KCNIP4: variants seen among roughly 807,000 people sequenced by gnomAD.
The protein encoded by KCNIP4 is Kv channel-interacting protein 4.
KCNIP4 carries 12 observed loss-of-function variants against 34.0 expected under a neutral mutation model. That is an observed-to-expected ratio of 0.35 (90% CI 0.23 to 0.57). The LOEUF (loss-of-function observed/expected upper bound fraction) is 0.57. KCNIP4 is among the 20% of genes least tolerant of loss of function. KCNIP4 has a pLI of 0.83. For synonymous variants in KCNIP4, 124 were observed against 102.2 expected (o/e 1.21, Z -1.29); for missense variants, 238 against 311.7 (o/e 0.76, Z 1.78).
At chr4:21,578,478 C>A (rs1393622405) in intron 1 of KCNIP4, among the ~76,000 whole-genome samples, 1 of 150,104 alleles carries the variant, frequency 6.7e-6, no homozygotes, top group African/African-American at 2.4e-5. Flanking sequence ...TATGACAAAA[C>A]ATGGGCATTA....
intron 1 of KCNIP4, among the ~76,000 whole-genome samples, chr4:21,498,573 T>C (rs1015962222): frequency 1.2e-4 from 18 of 152,232 alleles, no homozygotes; most frequent in Admixed American, 1.0e-3. Context: ...TGAGCAGTCC[T>C]TAGATATGCT....
chr4:20,867,153 A>G (rs1365615851), intron 2 of KCNIP4, among the ~76,000 whole-genome samples: 2 of 152,134 alleles, frequency 1.3e-5, no homozygotes, highest in African/African-American at 2.4e-5. Context: ...ATTAGAAAAA[A>G]AGTATTCTAA....
intron 1 of KCNIP4, among the ~76,000 whole-genome samples, chr4:21,251,431 T>G (rs551283576): frequency 3.3e-5 from 5 of 151,990 alleles, no homozygotes; most frequent in African/African-American, 1.2e-4. Flanking sequence ...CCGAGAACAC[T>G]GTGGCCCTCA....
intron 1 of KCNIP4, among the ~76,000 whole-genome samples, chr4:21,107,159 C>G (rs1280860704): frequency 6.8e-6 from 1 of 146,782 alleles, no homozygotes; most frequent in Non-Finnish European, 1.5e-5. Context: ...TCCTTTTTAA[C>G]TTTCTGTCTC....
chr4:21,329,147 A>ATT (rs1715377714), intron 1 of KCNIP4, among the ~76,000 whole-genome samples: 1 of 152,272 alleles, frequency 6.6e-6, no homozygotes, highest in Non-Finnish European at 1.5e-5. Context: ...AAGTCTGTGT[A>ATT]AAACAATGCA....
chr4:20,983,387 C>T (rs1577483210), intron 1 of KCNIP4, among the ~76,000 whole-genome samples: 1 of 152,178 alleles, frequency 6.6e-6, no homozygotes, highest in Non-Finnish European at 1.5e-5. Context: ...TTCACCCCCA[C>T]ACCTCCTAAC....
chr4:21,743,191 GA>G (rs1320874778), intron 1 of KCNIP4, among the ~76,000 whole-genome samples: 1 of 152,124 alleles, frequency 6.6e-6, no homozygotes, highest in Admixed American at 6.6e-5. Flanking sequence ...CTGGAGTTCA[GA>G]AGTACAAAAT....
chr4:21,610,586 TAGGGA>T (rs1336214670), intron 1 of KCNIP4, among the ~76,000 whole-genome samples: 1 of 152,100 alleles, frequency 6.6e-6, no homozygotes, highest in East Asian at 1.9e-4. Context: ...AAATTCACAT[TAGGGA>T]TTTTAGCTCT....
chr4:21,841,787 A>G (rs1723703667), intron 1 of KCNIP4, among the ~76,000 whole-genome samples: 1 of 152,196 alleles, frequency 6.6e-6, no homozygotes, highest in African/African-American at 2.4e-5. Context: ...GAAAAAAACA[A>G]GTAAGGATTA....
chr4:21,719,988 G>GAA (rs1714674067), intron 1 of KCNIP4, among the ~76,000 whole-genome samples: 2 of 76,062 alleles, frequency 2.6e-5, no homozygotes, highest in Non-Finnish European at 2.3e-5. Flanking sequence ...AAGAAGAAGA[G>GAA]GAAGAAGAAA....
chr4:21,808,160 G>C (rs1052172471), intron 1 of KCNIP4, among the ~76,000 whole-genome samples: 6 of 152,090 alleles, frequency 3.9e-5, no homozygotes, highest in African/African-American at 1.4e-4. Flanking sequence ...ATATAGTTTT[G>C]ATATTGTCAC....
chr4:20,751,869 G>A (rs1753698237), intron 4 of KCNIP4, among the ~76,000 whole-genome samples: 1 of 152,016 alleles, frequency 6.6e-6, no homozygotes, highest in Non-Finnish European at 1.5e-5. Context: ...AGTTACAGCG[G>A]CTTCCCAGTC....
intron 1 of KCNIP4, among the ~76,000 whole-genome samples, chr4:21,832,823 G>A (rs1438593083): frequency 6.8e-6 from 1 of 146,708 alleles, no homozygotes; most frequent in Non-Finnish European, 1.5e-5. Context: ...TCCCACCTAT[G>A]AGTGAGAATA....
intron 1 of KCNIP4, among the ~76,000 whole-genome samples, chr4:21,233,733 A>C (rs1758966473): frequency 2.0e-5 from 3 of 150,124 alleles, no homozygotes; most frequent in Non-Finnish European, 3.0e-5. Context: ...ACCTCTTGTC[A>C]CTATGCTTCT....
At chr4:21,899,415 T>A (rs1258948264) in intron 1 of KCNIP4, among the ~76,000 whole-genome samples, 1 of 152,024 alleles carries the variant, frequency 6.6e-6, no homozygotes, top group South Asian at 2.1e-4. Flanking sequence ...TTATACAATA[T>A]AGTACTAGAA....
intron 1 of KCNIP4, among the ~76,000 whole-genome samples, chr4:21,560,962 G>T (rs1050622288): frequency 6.6e-6 from 1 of 151,972 alleles, no homozygotes; most frequent in Non-Finnish European, 1.5e-5. Flanking sequence ...TAAAAGGAAA[G>T]AAATCAATGC....
chr4:20,732,193 G>C (rs1748459983), intron 7 of KCNIP4, 125 bp from the exon 8 acceptor site: 14 of 676,472 alleles, frequency 2.1e-5, no homozygotes, highest in South Asian at 1.7e-4. Flanking sequence ...TGGAGGAACT[G>C]TTTCAGAGCA....
intron 1 of KCNIP4, among the ~76,000 whole-genome samples, chr4:21,897,789 A>G (rs191066059): frequency 6.6e-6 from 1 of 152,288 alleles, no homozygotes; most frequent in East Asian, 1.9e-4. Context: ...AAGCAACTTC[A>G]TAAGAACCAA....
At position 21,280,298 on chromosome 4, in the gene KCNIP4, C is replaced by A. The variant is rs1056682263; in HGVS notation, c.62-397589G>T. Among the ~76,000 whole-genome samples, 3 of 152,092 alleles carry A rather than the reference C, an allele frequency of 2.0e-5. No individual in the cohort carries two copies. In the South Asian group the frequency reaches 6.2e-4, roughly 31 times the overall value. On this transcript the variant is annotated intron_variant, in intron 1 of 8. Transcript: ENST00000382152. ...GTAAATCTGCAGAGATAAGAGTTTT[C>A]TATATTTATTGAAAGGTCAAAAGTT...
Sources: allele counts gnomAD v4.1 joint callset (sites outside exome capture counted in the v4.1 genomes callset), GRCh38; gene constraint gnomAD v4.1.1; transcripts MANE v1.5; gene names NCBI Gene and HGNC (gene_info 2026-07-23, HGNC 2026-07-21).